The following NSD1 variants were observed in gnomAD, a reference collection of about 807,000 sequenced individuals.
The protein encoded by NSD1 is nuclear receptor binding SET domain protein 1.
Under a neutral mutation model 242.7 loss-of-function variants are expected in NSD1, and 26 were observed. That is an observed-to-expected ratio of 0.11 (90% CI 0.08 to 0.15). The LOEUF is 0.15. Among genes scored for constraint, NSD1 ranks in the 10% least tolerant of loss-of-function variants. NSD1 has a pLI of 1.00. For synonymous variants in NSD1, 1,106 were observed against 1,178.1 expected, an observed-to-expected ratio of 0.94 and a Z score of 1.25; for missense variants, 2,495 against 3,272.8, an observed-to-expected ratio of 0.76 and a Z score of 5.80.
intron 2 of NSD1, among the ~76,000 whole-genome samples, chr5:177,140,273 A>ATGT (rs1324246028): frequency 6.6e-6 from 1 of 152,176 alleles, no homozygotes; most frequent in East Asian, 1.9e-4. Context: ...GAGACAGGCT[A>ATGT]GGTGCTTTGG....
In NSD1 at chr5:177,295,341, T is replaced by C. The variant is rs750702627; in HGVS notation, c.7973T>C (p.Leu2658Ser). 1.2e-6 allele frequency: 2 copies of C among 1,614,082 alleles called. No homozygotes were observed. Among genetic ancestry groups the C allele is most frequent in the South Asian group, 2.2e-5 (2 of 91,074 alleles). ...SCWSAGSTQT[L>S]AQTCWSLGRG... Reference sequence around the variant, plus strand: ...TGGTCTGCTGGGAGCACACAGACATTGGCACAGACTTGCTGGTCTCTTGGA... The same window carrying C: ...TGGTCTGCTGGGAGCACACAGACATCGGCACAGACTTGCTGGTCTCTTGGA... Residue 2658 changes from leucine (L) to serine (S), a missense_variant, in exon 23 of 23, where the codon TTG (leucine) becomes TCG (serine). Coordinates refer to ENST00000439151, the MANE Select transcript of NSD1 (RefSeq NM_022455.5). This position sits in a 1 kb window ranked among gnomAD's most constrained non-coding sequence, Gnocchi z 4.3.
chr5:177,280,569 A>G lies in NSD1; in HGVS notation c.5627A>G (p.Asn1876Ser). ...KPPPYKHIKV[N>S]RPIGRVQIFT... ...TACTTTGTGTTACTTTTCCAGGTAA[A>G]CCGTCCTATTGGCAGGGTACAGATC... is the stretch of plus-strand genomic sequence containing the variant. Residue 1876 changes from asparagine (N) to serine (S), a missense_variant, in exon 18 of 23, where the codon AAC becomes AGC. Asn to Ser is a conservative substitution (Grantham distance 46, BLOSUM62 1). Transcript: ENST00000439151. 1 of 1,614,198 alleles carries G rather than the reference A, an allele frequency of 6.2e-7. No homozygotes were observed.
intron 14 of NSD1, among the ~76,000 whole-genome samples, chr5:177,262,072 A>G (rs1339052580): frequency 6.6e-6 from 1 of 152,168 alleles, no homozygotes; most frequent in Non-Finnish European, 1.5e-5. Context: ...ACACAGTCAT[A>G]TTATAATAGC....
At chr5:177,176,316 A>T (rs1467841230) in intron 2 of NSD1, among the ~76,000 whole-genome samples, 1 of 150,452 alleles carries the variant, frequency 6.6e-6, no homozygotes, top group African/African-American at 2.4e-5. Context: ...CTGGAGTGCA[A>T]TGGCACGATC....
intron 6 of NSD1, among the ~76,000 whole-genome samples, chr5:177,237,930 C>A (rs1765582655): frequency 6.6e-6 from 1 of 152,094 alleles, no homozygotes; most frequent in Non-Finnish European, 1.5e-5. Context: ...TTTTTTTCAT[C>A]TTTCCAAATT....
rs1756129293 is a variant in NSD1 at position 177,134,450 on chromosome 5, G to A, written c.-18+498G>A. On this transcript the variant is annotated intron_variant, in intron 1 of 22. Coordinates refer to ENST00000439151, the MANE Select transcript of NSD1 (RefSeq NM_022455.5). This position sits in a 1 kb window ranked among gnomAD's most constrained non-coding sequence, Gnocchi z 4.2. ...GCTGCTACCCTGACTGGGCTTCGCT[G>A]GCCGCCTCGGTTTCTCCCTCTGCCG... Among the ~76,000 whole-genome samples the A allele has an allele frequency of 1.3e-5, 2 of 152,284 alleles. No homozygotes were observed. Among genetic ancestry groups the A allele is most frequent in the South Asian group, 4.1e-4 (2 of 4,830 alleles).
intron 17 of NSD1, among the ~76,000 whole-genome samples, 154 bp downstream of exon 17, chr5:177,273,938 G>C (rs536415616): frequency 2.6e-5 from 4 of 152,310 alleles, no homozygotes; most frequent in Admixed American, 2.0e-4. Flanking sequence ...GGGCACGGTG[G>C]CTCACGCTTG....
chr5:177,270,992 C>T (rs1441299107), intron 16 of NSD1, among the ~76,000 whole-genome samples: 2 of 151,964 alleles, frequency 1.3e-5, no homozygotes, highest in African/African-American at 2.4e-5. Context: ...GGGATAAAGT[C>T]GCCAGTATTT....
At chr5:177,259,946 A>AT (rs752197526) in intron 13 of NSD1, 43 bp from the exon 14 acceptor site, 4 of 1,605,478 alleles carry the variant, frequency 2.5e-6, no homozygotes, top group Non-Finnish European at 3.4e-6. Context: ...TATATTTAAT[A>AT]TTTTTGTTTT....
chr5:177,229,066 G>T (rs919911762), intron 5 of NSD1, among the ~76,000 whole-genome samples: 1 of 151,106 alleles, frequency 6.6e-6, no homozygotes, highest in East Asian at 1.9e-4. Context: ...TTCTCATTTG[G>T]TATATTTTTC....
intron 2 of NSD1, among the ~76,000 whole-genome samples, chr5:177,179,069 A>C (rs1195984104): frequency 6.6e-6 from 1 of 152,202 alleles, no homozygotes. Context: ...GATCAAGTGC[A>C]TGGAGGTGTG....
chr5:177,257,453 G>A (rs557397603), intron 13 of NSD1, among the ~76,000 whole-genome samples: 10 of 152,046 alleles, frequency 6.6e-5, no homozygotes, highest in Admixed American at 5.2e-4. Flanking sequence ...GGATGGTCTC[G>A]ATCTCCTGAC....
intron 5 of NSD1, among the ~76,000 whole-genome samples, chr5:177,221,686 G>T: frequency 6.6e-6 from 1 of 152,112 alleles, no homozygotes; most frequent in East Asian, 1.9e-4. Context: ...GGCCAGGCTG[G>T]ACTCGAACTC....
chr5:177,274,008 C>A (rs1758151726), intron 17 of NSD1, among the ~76,000 whole-genome samples: 1 of 152,002 alleles, frequency 6.6e-6, no homozygotes, highest in African/African-American at 2.4e-5. Context: ...GAGTTTGAGA[C>A]CAGCCTGGCC....
At chr5:177,194,579 CTTTTTTTTTTT>C (rs1200627969) in intron 3 of NSD1, among the ~76,000 whole-genome samples, 3 of 88,572 alleles carry the variant, frequency 3.4e-5, no homozygotes, top group Non-Finnish European at 6.5e-5. Flanking sequence ...CACCATGCCT[CTTTTTTTTTTT>C]TTTTTTTTTT....
chr5:177,281,101 T>C (rs1037947572), intron 18 of NSD1, among the ~76,000 whole-genome samples: 8 of 152,168 alleles, frequency 5.3e-5, no homozygotes, highest in African/African-American at 7.2e-5. Context: ...TTGTTTGCTT[T>C]TTTGTGAATA....
chr5:177,149,384 A>G (rs1286817245), intron 2 of NSD1, among the ~76,000 whole-genome samples: 1 of 150,910 alleles, frequency 6.6e-6, no homozygotes, highest in Admixed American at 6.6e-5. Flanking sequence ...ACGCCTGGCT[A>G]ATTTTTGTAT....
chr5:177,135,458 G>A lies in NSD1; in HGVS notation c.355G>A (p.Gly119Ser), dbSNP rs1391258719. 1 of 1,614,160 alleles carries A rather than the reference G, an allele frequency of 6.2e-7. No individual in the cohort carries two copies. Among genetic ancestry groups the A allele is most frequent in the Non-Finnish European group, 8.5e-7 (1 of 1,180,026 alleles). ...TPIVCTSLSP[G>S]GPTALAMKQE... The stretch of plus-strand genomic sequence containing the variant: ...AATTGTTTGCACTTCCTTGAGTCCT[G>A]GTGGTCCTACAGCACTTGCTATGAA... The change falls in exon 2 of 23, where the codon GGT (glycine) becomes AGT (serine). Residue 119 changes from glycine (G) to serine (S), a missense_variant. By Grantham distance (56) the Gly-to-Ser change is moderately conservative. Transcript: ENST00000439151.
intron 3 of NSD1, among the ~76,000 whole-genome samples, chr5:177,192,520 C>T (rs1015382745): frequency 1.3e-5 from 2 of 152,170 alleles, no homozygotes; most frequent in African/African-American, 4.8e-5. Flanking sequence ...GCTCAGCCTC[C>T]TCAGTAGCTG....
Sources: allele counts gnomAD v4.1 joint callset (sites outside exome capture counted in the v4.1 genomes callset), GRCh38; gene constraint gnomAD v4.1.1; non-coding constraint Gnocchi (gnomAD v3.1); transcripts MANE v1.5; gene names NCBI Gene and HGNC (gene_info 2026-07-23, HGNC 2026-07-21).